Variants in GAB4 observed in about 807,000 individuals in gnomAD.
The protein encoded by GAB4 is GRB2 associated binding protein family member 4.
In GAB4, 26 loss-of-function variants were observed where a neutral mutation model predicts 51.3. The ratio of observed to expected loss-of-function variants is 0.51; its 90% CI spans 0.37 to 0.70. The LOEUF is 0.70. Ranked by LOEUF, GAB4 falls within the 30% of genes least tolerant of loss-of-function variation. GAB4 has a pLI of 0.00. For missense variants in GAB4, 759 were observed against 734.6 expected (o/e 1.03, Z -0.38); for synonymous variants, 329 against 291.2 (o/e 1.13, Z -1.32).
chr22:16,968,136 T>C (rs1248295758), intron 5 of GAB4, among the ~76,000 whole-genome samples, 162 bp downstream of exon 5: 1 of 152,180 alleles, frequency 6.6e-6, no homozygotes, highest in African/African-American at 2.4e-5. Context: ...GTATCTCACT[T>C]ATCCAAAAAC....
chr22:16,969,857 G>T, intron 4 of GAB4, 86 bp downstream of exon 4: 2 of 1,482,378 alleles, frequency 1.3e-6, no homozygotes, highest in Non-Finnish European at 9.4e-7. Context: ...CTGAGAGTGG[G>T]GTGGCCGGAA....
At chr22:16,971,427 C>T (rs1424642841) in intron 3 of GAB4, among the ~76,000 whole-genome samples, 1 of 152,204 alleles carries the variant, frequency 6.6e-6, no homozygotes, top group African/African-American at 2.4e-5. Flanking sequence ...GGTTTTGGAA[C>T]TGGGTTCTAC....
At chr22:17,002,355 G>A (rs964292319) in intron 1 of GAB4, among the ~76,000 whole-genome samples, 13 of 152,040 alleles carry the variant, frequency 8.6e-5, no homozygotes, top group East Asian at 1.9e-4. Context: ...GTTCATAAGC[G>A]AAGGAGAAAT....
At chr22:16,973,227 C>T (rs753433505) in intron 3 of GAB4, among the ~76,000 whole-genome samples, 6 of 152,236 alleles carry the variant, frequency 3.9e-5, no homozygotes, top group Non-Finnish European at 7.3e-5. Flanking sequence ...TTATCTTCTC[C>T]ACCAGACTAT....
chr22:16,971,736 C>T (rs964949045), intron 3 of GAB4, among the ~76,000 whole-genome samples: 4 of 152,208 alleles, frequency 2.6e-5, no homozygotes, highest in Admixed American at 1.3e-4. Context: ...AACTGCCTCA[C>T]TGGTATGCTC....
chr22:16,991,795 TAG>T, intron 2 of GAB4, 76 bp downstream of exon 2: 8 of 1,255,746 alleles, frequency 6.4e-6, no homozygotes, highest in Non-Finnish European at 9.0e-6. Context: ...TGTTGGCAGC[TAG>T]AGCTGCCCTC....
chr22:17,005,681 C>T (rs897929082), intron 1 of GAB4, among the ~76,000 whole-genome samples: 4 of 152,166 alleles, frequency 2.6e-5, no homozygotes, highest in African/African-American at 7.2e-5. Context: ...ACAGAGGCCT[C>T]AGAAATAACA....
intron 2 of GAB4, among the ~76,000 whole-genome samples, chr22:16,988,506 T>C (rs920065702): frequency 3.9e-5 from 6 of 152,176 alleles, no homozygotes; most frequent in African/African-American, 1.2e-4. Flanking sequence ...ACCTCCCTCC[T>C]CCATGGTGGC....
At chr22:16,982,827 C>T (rs2060837715) in intron 3 of GAB4, among the ~76,000 whole-genome samples, 1 of 152,192 alleles carries the variant, frequency 6.6e-6, no homozygotes, top group Admixed American at 6.5e-5. Flanking sequence ...AGTCTCGGAA[C>T]ATGTCCAGGG....
At chr22:16,966,478 T>C in intron 5 of GAB4, 114 bp from the exon 6 acceptor site, 1 of 1,055,438 alleles carries the variant, frequency 9.5e-7, no homozygotes, top group South Asian at 1.6e-5. Context: ...AACGAAACTT[T>C]TGATCACCTT....
At chr22:16,972,177 C>A (rs1346604604) in intron 3 of GAB4, among the ~76,000 whole-genome samples, 7 of 152,246 alleles carry the variant, frequency 4.6e-5, no homozygotes, top group Non-Finnish European at 8.8e-5. Context: ...ACGCCACCTG[C>A]CCTGCAGGAC....
Position 16,970,208 on chromosome 22 carries a change from G to A in GAB4, c.687-15C>T. ...AGCTGGCACTCCTAAGAGAGAGAAA[G>A]AAGGGAAGGGGCAGGGGTGAGAGGA... is the stretch of plus-strand genomic sequence containing the variant. On this transcript the variant is annotated splice_polypyrimidine_tract_variant and intron_variant, in intron 3 of 9. Transcript: ENST00000400588. The A allele has an allele frequency of 6.2e-7, 1 of 1,613,556 alleles. No homozygotes were observed. The highest frequency in any genetic ancestry group is 8.5e-7 in the Non-Finnish European group (1 of 1,179,630).
At position 16,988,038 on chromosome 22, in the gene GAB4, G is replaced by C. The variant is rs200048737; in HGVS notation, c.608C>G (p.Pro203Arg). 1 of 1,608,346 alleles carries C rather than the reference G, an allele frequency of 6.2e-7. No homozygotes were observed. Among genetic ancestry groups the C allele is most frequent in the Admixed American group, 1.7e-5 (1 of 59,034 alleles). Residue 203 changes from proline (P) to arginine (R), a missense_variant, in exon 3 of 10, where the codon CCG becomes CGG. Pro to Arg is a moderately radical substitution (Grantham distance 103). Coordinates refer to ENST00000400588, the MANE Select transcript of GAB4 (RefSeq NM_001037814.1). ...AGGTGCAGGGATGGGCCAGGTGGGC[G>C]GCACACAGTGAGACACCGGGGGCTC... ...TSEPPVSHCVPPTWPIPAPPG... is the reference protein window; with the variant it reads ...TSEPPVSHCVRPTWPIPAPPG...
At chr22:17,000,702 G>T (rs1487983687) in intron 1 of GAB4, among the ~76,000 whole-genome samples, 1 of 152,254 alleles carries the variant, frequency 6.6e-6, no homozygotes, top group East Asian at 1.9e-4. Context: ...TGGTTATTTT[G>T]CTCGTTAGTT....
At chr22:16,964,987 T>G (rs1348575976) in intron 7 of GAB4, 125 bp from the exon 8 acceptor site, 1 of 781,798 alleles carries the variant, frequency 1.3e-6, no homozygotes, top group Non-Finnish European at 2.1e-6. Context: ...GATCAAGAAC[T>G]GATAGGGACA....
At chr22:16,967,744 G>A (rs2060692068) in intron 5 of GAB4, among the ~76,000 whole-genome samples, 1 of 152,206 alleles carries the variant, frequency 6.6e-6, no homozygotes, top group Non-Finnish European at 1.5e-5. Context: ...TAAGAAGCCT[G>A]ACGCCAGGCC....
chr22:16,986,804 A>C (rs1377692062), intron 3 of GAB4, among the ~76,000 whole-genome samples: 1 of 152,220 alleles, frequency 6.6e-6, no homozygotes, highest in African/African-American at 2.4e-5. Context: ...GGAACTGCTG[A>C]AAGTTCACAA....
At chr22:16,969,807 A>G in intron 4 of GAB4, 136 bp downstream of exon 4, 1 of 1,083,716 alleles carries the variant, frequency 9.2e-7, no homozygotes, top group Non-Finnish European at 1.4e-6. Context: ...CATGGCATAG[A>G]GGTTCTTGTC....
At chr22:16,984,162 C>G (rs1490676779) in intron 3 of GAB4, among the ~76,000 whole-genome samples, 1 of 152,106 alleles carries the variant, frequency 6.6e-6, no homozygotes, top group Non-Finnish European at 1.5e-5. Context: ...AGACATTTCT[C>G]CAAAGAAGAC....
Sources: allele counts gnomAD v4.1 joint callset (sites outside exome capture counted in the v4.1 genomes callset), GRCh38; gene constraint gnomAD v4.1.1; transcripts MANE v1.5; gene names NCBI Gene and HGNC (gene_info 2026-07-23, HGNC 2026-07-21).